Variants in PDE1B observed in about 807,000 individuals in gnomAD.
PDE1B encodes the protein dual specificity calcium/calmodulin-dependent 3',5'-cyclic nucleotide phosphodiesterase 1B.
In PDE1B, 13 loss-of-function variants were observed where a neutral mutation model predicts 66.7. That is an observed-to-expected ratio of 0.19 (90% confidence interval 0.13 to 0.31). The LOEUF (loss-of-function observed/expected upper bound fraction) is 0.31, where lower values mean the gene tolerates loss of function less well. PDE1B is among the 10% of genes least tolerant of loss of function. The pLI is 1.00. For missense variants in PDE1B, 485 were observed against 682.3 expected (o/e 0.71, Z 3.22); for synonymous variants, 230 against 253.9 (o/e 0.91, Z 0.90).
chr12:54,555,961 G>A (rs1957337252), intron 2 of PDE1B, among the ~76,000 whole-genome samples: 1 of 152,100 alleles, frequency 6.6e-6, no homozygotes, highest in African/African-American at 2.4e-5. Flanking sequence ...GGGTTGCTGT[G>A]GTGATGGTAC....
chr12:54,562,904 A>G (rs1226575919), intron 2 of PDE1B, among the ~76,000 whole-genome samples: 1 of 152,202 alleles, frequency 6.6e-6, no homozygotes, highest in Non-Finnish European at 1.5e-5. Context: ...AACAGAAGCT[A>G]TACAAGAGCT....
At chr12:54,550,329 T>G in intron 2 of PDE1B, 1 of 877,772 alleles carries the variant, frequency 1.1e-6, no homozygotes, top group South Asian at 3.2e-5. Flanking sequence ...CTCACACATA[T>G]CCATGTGCAG....
intron 2 of PDE1B, among the ~76,000 whole-genome samples, chr12:54,564,090 A>G (rs933132377): frequency 2.0e-5 from 3 of 152,194 alleles, no homozygotes; most frequent in Non-Finnish European, 4.4e-5. Context: ...AAGAATAAAT[A>G]TGACAAATGA....
At chr12:54,576,452 G>A (rs11170976) in intron 13 of PDE1B, 119 bp from the exon 14 acceptor site, 298,535 of 1,177,238 alleles carry the variant, frequency 0.25, 40,367 homozygotes, top group Non-Finnish European at 0.28. Context: ...GAGGAAAAGA[G>A]GAAGATGAAG....
At chr12:54,572,808 C>A in intron 7 of PDE1B, 67 bp downstream of exon 7, 1 of 1,457,880 alleles carries the variant, frequency 6.9e-7, no homozygotes, top group South Asian at 1.2e-5. Flanking sequence ...GAGGTCTAGA[C>A]TGTACTCCCA....
chr12:54,556,868 G>C (rs1215652564), intron 2 of PDE1B, among the ~76,000 whole-genome samples: 1 of 151,860 alleles, frequency 6.6e-6, no homozygotes, highest in African/African-American at 2.4e-5. Context: ...TGGCTGGTGG[G>C]GGGTTGAGGG....
intron 2 of PDE1B, among the ~76,000 whole-genome samples, chr12:54,559,985 C>G (rs1383682387): frequency 6.6e-6 from 1 of 152,180 alleles, no homozygotes; most frequent in Non-Finnish European, 1.5e-5. Context: ...CTAGTCCTTT[C>G]TCTCTAAAAA....
At chr12:54,568,013 G>A (rs544234476) in intron 3 of PDE1B, among the ~76,000 whole-genome samples, 6 of 152,144 alleles carry the variant, frequency 3.9e-5, no homozygotes, top group African/African-American at 1.4e-4. Context: ...GTGCCACTAC[G>A]CCCAGCTAAT....
In PDE1B at chr12:54,573,955, G is replaced by A. The variant is rs3782410; in HGVS notation, c.1064+246G>A. ...GCCTTGGCAGCTGATCCACTGGAGA[G>A]TGCTTTGGGCTGGGAATCTAAGATG... On this transcript the variant is annotated intron_variant, in intron 10 of 15. Coordinates refer to ENST00000243052, the MANE Select transcript of PDE1B (RefSeq NM_000924.4). The surrounding 1 kb of genome is among the most constrained non-coding windows in gnomAD (Gnocchi z 5.2). The A allele has an allele frequency of 0.32, 162,918 of 514,292 alleles. 26,582 individuals carry two copies. The highest frequency in any genetic ancestry group is 0.34 in the Admixed American group (10,037 of 29,404). 31.9% of individuals were successfully genotyped at this position (514,292 alleles called of 1,614,324 possible).
chr12:54,568,467 T>TACAC (rs56360853), intron 3 of PDE1B, among the ~76,000 whole-genome samples: 5,489 of 143,272 alleles, frequency 0.038, 179 homozygotes, highest in East Asian at 0.14. Context: ...TGTCTAAAAA[T>TACAC]ACACACACAC....
Position 54,575,021 on chromosome 12 carries a change from TG to T in PDE1B, c.1065-74del. ...AAGAAGTTATGTGATAGGGTGTGCG[TG>T]GGAAGTTAGGGAATGGTCCTAACTT... On this transcript the variant is annotated intron_variant, in intron 10 of 15. Coordinates refer to ENST00000243052, the MANE Select transcript of PDE1B (RefSeq NM_000924.4). The surrounding 1 kb of genome is among the most constrained non-coding windows in gnomAD (Gnocchi z 4.0). 8.4e-7 allele frequency: 1 copy of T among 1,186,070 alleles called. No individual in the cohort carries two copies. The highest frequency in any genetic ancestry group is 1.3e-5 in the South Asian group (1 of 75,196). 73.5% of individuals were successfully genotyped at this position (1,186,070 alleles called of 1,614,324 possible).
At chr12:54,550,774 C>G (rs923680745) in intron 2 of PDE1B, among the ~76,000 whole-genome samples, 1 of 152,058 alleles carries the variant, frequency 6.6e-6, no homozygotes, top group Non-Finnish European at 1.5e-5. Flanking sequence ...TGTTGCAGTA[C>G]CAGGGCATGT....
rs1370239319 is a variant in PDE1B, at chr12:54,569,058, A to C, written c.228-126A>C. 1.4e-6 allele frequency: 2 copies of C among 1,442,622 alleles called. No individual in the cohort carries two copies. Among genetic ancestry groups the C allele is most frequent in the Non-Finnish European group, 1.8e-6 (2 of 1,089,292 alleles). 89.4% of individuals were successfully genotyped at this position (1,442,622 alleles called of 1,614,324 possible). On this transcript the variant is annotated intron_variant, in intron 3 of 15. Transcript: ENST00000243052. This position sits in a 1 kb window ranked among gnomAD's most constrained non-coding sequence, Gnocchi z 4.4. ...ATAAAAAGATATAGAGAAAGAAAGG[A>C]AACAGGGTTGAAGACAGAGAGCTGG...
chr12:54,555,031 A>T (rs1442757209), intron 2 of PDE1B, among the ~76,000 whole-genome samples: 1 of 152,144 alleles, frequency 6.6e-6, no homozygotes, highest in African/African-American at 2.4e-5. Flanking sequence ...ATCTGGAAGG[A>T]GTGAAGGCAT....
At chr12:54,577,802 G>C (rs1184845459) in intron 15 of PDE1B, 58 bp from the exon 16 acceptor site, 14 of 397,904 alleles carry the variant, frequency 3.5e-5, no homozygotes, top group Non-Finnish European at 5.3e-5. Context: ...GAGAAGGAAG[G>C]TCAGGTTGGA....
Position 54,570,489 on chromosome 12 carries a change from C to T in PDE1B, c.594+132C>T. ...TCAACATCAGGGAAGTCTCCCCATG[C>T]CCACGCCCAGCCTAGCCTTTCTTTC... On this transcript the variant is annotated intron_variant, in intron 6 of 15. Coordinates refer to ENST00000243052, the MANE Select transcript of PDE1B (RefSeq NM_000924.4). The T allele has an allele frequency of 3.0e-6, 2 of 674,266 alleles. 1 individual carries two copies. Among genetic ancestry groups the T allele is most frequent in the South Asian group, 3.4e-5 (2 of 58,910 alleles). The allele number at this position is 674,266 out of a possible 1,614,324, so 41.8% of individuals were successfully genotyped here. A position where few individuals can be genotyped will look rare whatever the true frequency, so the allele number is the denominator to read the frequency against.
At chr12:54,568,169 A>G (rs1300648956) in intron 3 of PDE1B, among the ~76,000 whole-genome samples, 4 of 152,158 alleles carry the variant, frequency 2.6e-5, no homozygotes, top group African/African-American at 9.7e-5. Context: ...TATCTCATTA[A>G]TATATTTTAT....
At chr12:54,555,638 T>C (rs938063627) in intron 2 of PDE1B, among the ~76,000 whole-genome samples, 2 of 152,198 alleles carry the variant, frequency 1.3e-5, no homozygotes, top group Non-Finnish European at 2.9e-5. Flanking sequence ...CAGACTGGGA[T>C]GGAGGAGCAG....
chr12:54,563,795 C>G (rs921808336), intron 2 of PDE1B, among the ~76,000 whole-genome samples: 3 of 152,150 alleles, frequency 2.0e-5, no homozygotes, highest in African/African-American at 7.2e-5. Flanking sequence ...AGTTGAGGCT[C>G]TAAGATAAAC....
Sources: gnomAD v4.1 joint callset for allele counts (sites outside exome capture counted in the v4.1 genomes callset) on GRCh38, gnomAD v4.1.1 for gene constraint, Gnocchi (gnomAD v3.1) non-coding constraint, MANE v1.5 for transcripts, NCBI Gene and HGNC (gene_info 2026-07-23, HGNC 2026-07-21) for gene names.